GLRB: variants seen among roughly 807,000 people sequenced by gnomAD.
GLRB encodes glycine receptor subunit beta.
Under a neutral mutation model 54.2 loss-of-function variants are expected in GLRB, and 33 were observed. That is an observed-to-expected ratio of 0.61 (90% CI 0.46 to 0.81). The LOEUF (loss-of-function observed/expected upper bound fraction) is 0.81. Among genes scored for constraint, GLRB ranks in the 40% least tolerant of loss-of-function variants. The probability of loss-of-function intolerance (pLI) is 0.00; values close to 1 mark genes in which losing one functional copy is unlikely to be tolerated. For missense variants in GLRB, 572 were observed against 584.6 expected, an observed-to-expected ratio of 0.98 and a Z score of 0.22; for synonymous variants, 209 against 208.2, an observed-to-expected ratio of 1.00 and a Z score of -0.03.
chr4:157,152,722 C>G lies in GLRB; in HGVS notation c.909C>G (p.Ile303Met). 1 of 1,613,022 alleles carries G rather than the reference C, an allele frequency of 6.2e-7. No individual in the cohort carries two copies. The highest frequency in any genetic ancestry group is 8.5e-7 in the Non-Finnish European group (1 of 1,179,066). ...DASAARVPLGIFSVLSLASEC... is the reference protein window; with the variant it reads ...DASAARVPLGMFSVLSLASEC... ...TTCCTCTTTCTGTTTCTGTAGGTAT[C>G]TTCTCAGTCCTCAGCTTGGCCTCTG... Residue 303 changes from isoleucine (I) to methionine (M), a missense_variant, in exon 9 of 10, where the codon ATC becomes ATG. Coordinates refer to ENST00000264428, the MANE Select transcript of GLRB (RefSeq NM_000824.5).
At position 157,115,281 on chromosome 4, in the gene GLRB, C is replaced by G. The variant is rs891072372; in HGVS notation, c.123-5275C>G. ...TTTTTTTTTTTTTTCCTGAACACTT[C>G]TTTAATTTCTGTTACTGTAAGATAC... On this transcript the variant is annotated intron_variant, in intron 2 of 9. Coordinates refer to ENST00000264428, the MANE Select transcript of GLRB (RefSeq NM_000824.5). Among the ~76,000 whole-genome samples, 3 of 100,526 alleles carry G rather than the reference C, an allele frequency of 3.0e-5. No homozygotes were observed. The East Asian group carries it at 8.8e-4, about 30-fold the overall frequency. 65.9% of individuals were successfully genotyped at this position (100,526 alleles called of 152,430 possible). A position where few individuals can be genotyped will look rare whatever the true frequency, so the allele number is the denominator to read the frequency against.
chr4:157,136,919 A>G, intron 6 of GLRB, 33 bp downstream of exon 6: 1 of 1,312,022 alleles, frequency 7.6e-7, no homozygotes, highest in Non-Finnish European at 1.1e-6. Flanking sequence ...GATTATGAAA[A>G]TAAAGTGTTT....
At chr4:157,091,243 A>G (rs989374522) in intron 2 of GLRB, 2 of 152,190 alleles carry the variant, frequency 1.3e-5, no homozygotes, top group South Asian at 4.1e-4. Context: ...GTCATACAAC[A>G]TTAAAAAGAT....
chr4:157,145,101 G>C (rs1736759934), intron 8 of GLRB, among the ~76,000 whole-genome samples: 2 of 152,124 alleles, frequency 1.3e-5, no homozygotes, highest in Admixed American at 1.3e-4. Flanking sequence ...TTCATTAGAA[G>C]TTTCTTATGT....
At chr4:157,152,613 T>A in intron 8 of GLRB, 105 bp from the exon 9 acceptor site, 1 of 869,272 alleles carries the variant, frequency 1.2e-6, no homozygotes, top group Non-Finnish European at 2.0e-6. Context: ...AAATTGTTCA[T>A]GGGTCATTGG....
chr4:157,119,846 C>G (rs1285953422), intron 2 of GLRB, among the ~76,000 whole-genome samples: 3 of 151,594 alleles, frequency 2.0e-5, no homozygotes, highest in South Asian at 4.1e-4. Context: ...GGATCTAGAA[C>G]TAGAAATGCC....
At chr4:157,105,649 ACTC>A (rs1735195323) in intron 2 of GLRB, among the ~76,000 whole-genome samples, 1 of 151,552 alleles carries the variant, frequency 6.6e-6, no homozygotes, top group Non-Finnish European at 1.5e-5. Flanking sequence ...GCAGCCTATT[ACTC>A]TTATCAGTTC....
At chr4:157,145,972 C>A (rs923259741) in intron 8 of GLRB, among the ~76,000 whole-genome samples, 1 of 150,498 alleles carries the variant, frequency 6.6e-6, no homozygotes, top group Non-Finnish European at 1.5e-5. Flanking sequence ...AAGATAACAG[C>A]GATGAGGGGT....
intron 2 of GLRB, among the ~76,000 whole-genome samples, chr4:157,091,579 G>A (rs1216561591): frequency 6.6e-6 from 1 of 152,176 alleles, no homozygotes; most frequent in African/African-American, 2.4e-5. Flanking sequence ...ACTCCTCAAA[G>A]TGTTGTCCAC....
At chr4:157,130,546 A>T (rs899408311) in intron 4 of GLRB, among the ~76,000 whole-genome samples, 1 of 151,652 alleles carries the variant, frequency 6.6e-6, no homozygotes, top group East Asian at 1.9e-4. Flanking sequence ...TTGAAGGTTC[A>T]TGCATGCTGT....
chr4:157,143,584 A>G (rs568874841), intron 7 of GLRB, among the ~76,000 whole-genome samples: 4 of 152,298 alleles, frequency 2.6e-5, no homozygotes, highest in Middle Eastern at 3.4e-3. Context: ...CTATTTCTCA[A>G]TGTCATAATG....
chr4:157,100,721 G>T (rs1371825365), intron 2 of GLRB, among the ~76,000 whole-genome samples: 1 of 152,080 alleles, frequency 6.6e-6, no homozygotes, highest in Admixed American at 6.6e-5. Context: ...ACAGAAACCA[G>T]TTGGGAATGT....
chr4:157,141,818 T>C (rs1029680555), intron 7 of GLRB, among the ~76,000 whole-genome samples: 10 of 152,058 alleles, frequency 6.6e-5, no homozygotes. Context: ...GCTCCCCTAG[T>C]GGGTACCTTC....
intron 2 of GLRB, among the ~76,000 whole-genome samples, chr4:157,106,298 AG>A (rs1287826980): frequency 2.0e-5 from 3 of 152,168 alleles, no homozygotes; most frequent in Non-Finnish European, 4.4e-5. Context: ...GTACTTGACA[AG>A]TGGCTTTTAG....
intron 8 of GLRB, among the ~76,000 whole-genome samples, chr4:157,149,300 TC>T (rs1259767760): frequency 2.0e-5 from 3 of 152,134 alleles, no homozygotes; most frequent in Non-Finnish European, 4.4e-5. Context: ...TGATTAACTT[TC>T]CCCATTGTTA....
chr4:157,078,281 A>G (rs1734109912), intron 2 of GLRB, 135 bp downstream of exon 2: 1 of 1,449,630 alleles, frequency 6.9e-7, no homozygotes. Flanking sequence ...ACAGAGACAG[A>G]AAATGATAGG....
chr4:157,150,439 A>C (rs1736978077), intron 8 of GLRB, among the ~76,000 whole-genome samples: 1 of 151,974 alleles, frequency 6.6e-6, no homozygotes, highest in Non-Finnish European at 1.5e-5. Flanking sequence ...TTCCCTCCAA[A>C]ATCTATAAAT....
At chr4:157,151,672 T>G (rs568200629) in intron 8 of GLRB, among the ~76,000 whole-genome samples, 1 of 152,250 alleles carries the variant, frequency 6.6e-6, no homozygotes, top group Admixed American at 6.5e-5. Flanking sequence ...TTTTCAATGT[T>G]TAACTGATTA....
At chr4:157,079,105 T>C (rs1176528257) in intron 2 of GLRB, among the ~76,000 whole-genome samples, 1 of 152,180 alleles carries the variant, frequency 6.6e-6, no homozygotes, top group Admixed American at 6.5e-5. Flanking sequence ...AGATTAACAT[T>C]ACTGGTCAAT....
Sources: allele counts gnomAD v4.1 joint callset (sites outside exome capture counted in the v4.1 genomes callset), GRCh38; gene constraint gnomAD v4.1.1; transcripts MANE v1.5; gene names NCBI Gene and HGNC (gene_info 2026-07-23, HGNC 2026-07-21).